The following CLNS1A variants were observed in gnomAD, a reference collection of about 807,000 sequenced individuals.
The protein encoded by CLNS1A is methylosome subunit pICln.
A neutral mutation model predicts 29.4 loss-of-function variants in CLNS1A; 16 were observed. The observed-to-expected ratio is 0.54, with a 90% CI of 0.37 to 0.83. The LOEUF is 0.83. CLNS1A is among the 40% of genes least tolerant of loss of function. CLNS1A has a pLI of 0.00. For missense variants in CLNS1A, 235 were observed against 287.4 expected, an observed-to-expected ratio of 0.82 and a Z score of 1.32; for synonymous variants, 96 against 104.8, an observed-to-expected ratio of 0.92 and a Z score of 0.51.
intron 1 of CLNS1A, among the ~76,000 whole-genome samples, chr11:77,636,495 T>G (rs958379981): frequency 1.3e-5 from 2 of 152,234 alleles, no homozygotes; most frequent in Admixed American, 1.3e-4. Context: ...AGCCTAAACC[T>G]TGTTCAATGT....
At position 77,636,981 on chromosome 11, in the gene CLNS1A, G is replaced by A. The variant is rs78689103; in HGVS notation, c.125+609C>T. On this transcript the variant is annotated intron_variant, in intron 1 of 6. Transcript: ENST00000525428. The stretch of plus-strand genomic sequence containing the variant: ...GCAATTCCTTCCAGGACCCCAAAAC[G>A]GGAGTCTGGTCCCTCTGCATATGAC... 8.9e-3 allele frequency among the ~76,000 whole-genome samples: 1,360 copies of A among 152,130 alleles called. 20 individuals carry two copies. Among genetic ancestry groups the A allele is most frequent in the African/African-American group, 0.029 (1,202 of 41,488 alleles).
At chr11:77,632,717 T>A (rs1397173728) in intron 1 of CLNS1A, among the ~76,000 whole-genome samples, 1 of 152,194 alleles carries the variant, frequency 6.6e-6, no homozygotes. Flanking sequence ...TATTCACAGA[T>A]ATTTTTAAAT....
At chr11:77,637,551 G>T (rs762854333) in intron 1 of CLNS1A, 39 bp downstream of exon 1, 1 of 1,572,896 alleles carries the variant, frequency 6.4e-7, no homozygotes, top group South Asian at 1.2e-5. Context: ...GGAGGAGGGC[G>T]GCGCGCAGGA....
In CLNS1A at chr11:77,615,512, T is replaced by TAA. The variant is rs1464946918; in HGVS notation, c.*1204_*1205dup. ...TGGGATAAAAGCGTATCTCATAAGATAATTAAGAATATTATAATACATAAT... is the reference window on the plus strand; with the variant it reads ...TGGGATAAAAGCGTATCTCATAAGATAAAATTAAGAATATTATAATACATAAT... On this transcript the variant is annotated 3_prime_UTR_variant, in exon 7 of 7. Coordinates refer to ENST00000525428, the MANE Select transcript of CLNS1A (RefSeq NM_001293.3). 1 of 152,214 alleles carries TAA rather than the reference T, an allele frequency of 6.6e-6. No homozygotes were observed. Among genetic ancestry groups the TAA allele is most frequent in the African/African-American group, 2.4e-5 (1 of 41,450 alleles). The allele number at this position is 152,214 out of a possible 1,614,324, so 9.4% of individuals were successfully genotyped here.
intron 1 of CLNS1A, 73 bp downstream of exon 1, chr11:77,637,517 C>G (rs1438726079): frequency 1.3e-6 from 2 of 1,499,310 alleles, no homozygotes; most frequent in East Asian, 2.5e-5. Flanking sequence ...TTGCCCGGCT[C>G]CTTCGCACCG....
intron 6 of CLNS1A, chr11:77,619,338 C>G (rs1958934209): frequency 3.1e-6 from 1 of 325,454 alleles, no homozygotes; most frequent in East Asian, 6.9e-5. Flanking sequence ...TAGAGACCAG[C>G]CTGGGCAACA....
rs1156630116 is a variant in CLNS1A at position 77,616,098 on chromosome 11, A to C, written c.*620T>G. On this transcript the variant is annotated 3_prime_UTR_variant, in exon 7 of 7. Transcript: ENST00000525428. Reference sequence around the variant, plus strand: ...CAAAATTCTCATATTTGCCAGCATTATTTTTTAAAAAACATTTCTCATTAA... The same window carrying C: ...CAAAATTCTCATATTTGCCAGCATTCTTTTTTAAAAAACATTTCTCATTAA... 1 of 152,050 alleles carries C rather than the reference A, an allele frequency of 6.6e-6. No individual in the cohort carries two copies. The highest frequency in any genetic ancestry group is 1.5e-5 in the Non-Finnish European group (1 of 68,016). The allele number at this position is 152,050 out of a possible 1,614,324, so 9.4% of individuals were successfully genotyped here.
At position 77,616,562 on chromosome 11, in the gene CLNS1A, CTTG is replaced by C. The variant is rs1391312338; in HGVS notation, c.*153_*155del. On this transcript the variant is annotated 3_prime_UTR_variant, in exon 7 of 7. Coordinates refer to ENST00000525428, the MANE Select transcript of CLNS1A (RefSeq NM_001293.3). ...ATTATCTATCTTCTGCTGGTGACAA[CTTG>C]TTGTCTCAGTATAGTCTGTCTCAAG... 3.3e-5 allele frequency: 5 copies of C among 152,622 alleles called. No homozygotes were observed. Among genetic ancestry groups the C allele is most frequent in the Non-Finnish European group, 7.3e-5 (5 of 68,040 alleles). The allele number at this position is 152,622 out of a possible 1,614,324, so 9.5% of individuals were successfully genotyped here.
At chr11:77,626,848 C>T (rs1466667336) in intron 2 of CLNS1A, among the ~76,000 whole-genome samples, 4 of 149,784 alleles carry the variant, frequency 2.7e-5, no homozygotes, top group Non-Finnish European at 5.9e-5. Flanking sequence ...CCCGCCACCA[C>T]ACCTGGCTAA....
intron 4 of CLNS1A, among the ~76,000 whole-genome samples, chr11:77,624,465 A>C (rs906587296): frequency 2.0e-5 from 3 of 151,948 alleles, no homozygotes; most frequent in Non-Finnish European, 1.5e-5. Context: ...TTACACTCAA[A>C]AATTTGTCTG....
chr11:77,619,749 G>T, intron 5 of CLNS1A, 54 bp from the exon 6 acceptor site: 1 of 1,213,866 alleles, frequency 8.2e-7, no homozygotes, highest in Non-Finnish European at 1.2e-6. Context: ...CAGACAGGTA[G>T]ATTCAACTTA....
chr11:77,637,513 G>A (rs1361655572), intron 1 of CLNS1A, 77 bp downstream of exon 1: 10 of 1,484,000 alleles, frequency 6.7e-6, no homozygotes, highest in Middle Eastern at 2.4e-4. Flanking sequence ...CCCCTTGCCC[G>A]GCTCCTTCGC....
chr11:77,617,439 G>A (rs1958915821), intron 6 of CLNS1A, among the ~76,000 whole-genome samples: 1 of 151,230 alleles, frequency 6.6e-6, no homozygotes, highest in Admixed American at 6.6e-5. Flanking sequence ...CTATTCAGGA[G>A]GCTGAGGCAG....
At position 77,627,936 on chromosome 11, in the gene CLNS1A, A is replaced by G. The variant is rs554901546; in HGVS notation, c.262+1827T>C. Among the ~76,000 whole-genome samples the G allele has an allele frequency of 2.0e-5, 3 of 151,964 alleles. No individual in the cohort carries two copies. In the South Asian group the frequency reaches 6.3e-4, roughly 32 times the overall value. On this transcript the variant is annotated intron_variant, in intron 2 of 6. Coordinates refer to ENST00000525428, the MANE Select transcript of CLNS1A (RefSeq NM_001293.3). The stretch of plus-strand genomic sequence containing the variant: ...CACCTCCCGGGTTCAAGTGATTCTC[A>G]TGTCTCAGCCTCCCGAGTAGCTGGG...
chr11:77,625,177 T>C (rs1959003986), intron 3 of CLNS1A, 107 bp from the exon 4 acceptor site: 7 of 721,324 alleles, frequency 9.7e-6, no homozygotes, highest in Non-Finnish European at 1.6e-5. Flanking sequence ...TTACAAAATC[T>C]GCCAAATTGT....
chr11:77,626,415 C>T lies in CLNS1A; in HGVS notation c.263-597G>A, dbSNP rs1030994595. ...CAGCACTTTGGGAGGCCGAGGTGGG[C>T]GGATCACGAGGTCAGGAGTTTGAGT... On this transcript the variant is annotated intron_variant, in intron 2 of 6. Coordinates refer to ENST00000525428, the MANE Select transcript of CLNS1A (RefSeq NM_001293.3). Among the ~76,000 whole-genome samples the T allele has an allele frequency of 1.2e-4, 18 of 152,074 alleles. No homozygotes were observed. In the East Asian group the frequency reaches 1.6e-3, roughly 13 times the overall value.
Position 77,637,630 on chromosome 11 carries a change from C to T in CLNS1A, c.85G>A (p.Gly29Arg). 2 of 1,593,386 alleles carry T rather than the reference C, an allele frequency of 1.3e-6. No homozygotes were observed. Among genetic ancestry groups the T allele is most frequent in the South Asian group, 2.3e-5 (2 of 87,532 alleles). ...QQPDTEAVLN[G>R]KGLGTGTLYI... Reference sequence around the variant, plus strand: ...AGGGTACCAGTGCCGAGGCCCTTCCCGTTCAGCACAGCCTCAGTGTCTGGC... The same window carrying T: ...AGGGTACCAGTGCCGAGGCCCTTCCTGTTCAGCACAGCCTCAGTGTCTGGC... Residue 29 changes from glycine (G) to arginine (R), a missense_variant, in exon 1 of 7, where the codon GGG becomes AGG. Transcript: ENST00000525428.
In CLNS1A at chr11:77,622,598, G is replaced by A; in HGVS notation, c.548C>T (p.Ala183Val). 6.2e-7 allele frequency: 1 copy of A among 1,613,624 alleles called. No homozygotes were observed. Among genetic ancestry groups the A allele is most frequent in the Non-Finnish European group, 8.5e-7 (1 of 1,179,726 alleles). Residue 183 changes from alanine to valine, a missense_variant, in exon 5 of 7, where the codon GCC (alanine) becomes GTC (valine). By Grantham distance (64) the Ala-to-Val change is moderately conservative (BLOSUM62 0). Coordinates refer to ENST00000525428, the MANE Select transcript of CLNS1A (RefSeq NM_001293.3). Reference protein sequence around the residue: ...GLSHLTAEGQATLERLEGMLS... With the variant: ...GLSHLTAEGQVTLERLEGMLS... ...CATTCCTTCTAATCTCTCCAGTGTG[G>A]CTTGGCCTTCTGCTGTTAGATGGGA...
chr11:77,628,559 T>G (rs1188509307), intron 2 of CLNS1A, among the ~76,000 whole-genome samples: 1 of 152,216 alleles, frequency 6.6e-6, no homozygotes, highest in African/African-American at 2.4e-5. Flanking sequence ...TATTTTCAGA[T>G]AGCTGAATCA....
Sources: allele counts gnomAD v4.1 joint callset (sites outside exome capture counted in the v4.1 genomes callset), GRCh38; gene constraint gnomAD v4.1.1; transcripts MANE v1.5; gene names NCBI Gene and HGNC (gene_info 2026-07-23, HGNC 2026-07-21).